The following SOBP variants were observed in gnomAD, a reference collection of about 807,000 sequenced individuals.
SOBP encodes the protein sine oculis-binding protein homolog.
A neutral mutation model predicts 53.6 loss-of-function variants in SOBP; 4 were observed. The ratio of observed to expected loss-of-function variants is 0.07; its 90% CI spans 0.04 to 0.17. The LOEUF (loss-of-function observed/expected upper bound fraction) is 0.17, where lower values mean the gene tolerates loss of function less well. Ranked by LOEUF, SOBP falls within the 10% of genes least tolerant of loss-of-function variation. The pLI is 1.00. For missense variants in SOBP, 1,088 were observed against 1,204.7 expected (o/e 0.90, Z 1.43); for synonymous variants, 584 against 522.6 (o/e 1.12, Z -1.60).
At chr6:107,568,930 G>T (rs1479345573) in intron 4 of SOBP, among the ~76,000 whole-genome samples, 1 of 151,818 alleles carries the variant, frequency 6.6e-6, no homozygotes, top group Non-Finnish European at 1.5e-5. Flanking sequence ...TTTTATTAAC[G>T]TATATAAGGC....
chr6:107,570,045 A>G (rs142925229), intron 4 of SOBP, among the ~76,000 whole-genome samples: 1 of 152,348 alleles, frequency 6.6e-6, no homozygotes, highest in Non-Finnish European at 1.5e-5. Flanking sequence ...AAGTAAGGGT[A>G]GTTAGCACTT....
At chr6:107,533,285 A>G (rs1405031818) in intron 3 of SOBP, among the ~76,000 whole-genome samples, 174 bp from the exon 4 acceptor site, 1 of 150,002 alleles carries the variant, frequency 6.7e-6, no homozygotes, top group African/African-American at 2.4e-5. Context: ...AAAAAAAAAA[A>G]AAAAAAAAAA....
intron 2 of SOBP, 128 bp downstream of exon 2, chr6:107,503,923 C>T: frequency 8.8e-7 from 1 of 1,140,734 alleles, no homozygotes; most frequent in Non-Finnish European, 1.3e-6. Context: ...TTTAAACATA[C>T]ATCCCCAATA....
At chr6:107,577,509 G>A (rs57549852) in intron 4 of SOBP, among the ~76,000 whole-genome samples, 2,492 of 152,286 alleles carry the variant, frequency 0.016, 72 homozygotes, top group African/African-American at 0.057. Flanking sequence ...GACTCATGTT[G>A]ACCAAAGTCA....
At chr6:107,525,883 A>T (rs1783645303) in intron 3 of SOBP, among the ~76,000 whole-genome samples, 1 of 152,018 alleles carries the variant, frequency 6.6e-6, no homozygotes, top group African/African-American at 2.4e-5. Flanking sequence ...GTCTCTCCAA[A>T]TTCTGATCCG....
intron 6 of SOBP, among the ~76,000 whole-genome samples, chr6:107,650,863 A>T (rs1442913845): frequency 6.6e-6 from 1 of 152,186 alleles, no homozygotes; most frequent in East Asian, 1.9e-4. Flanking sequence ...GAAGTGATTA[A>T]ACTTAGTGAG....
intron 3 of SOBP, chr6:107,514,884 A>G (rs1783272667): frequency 6.6e-6 from 1 of 152,230 alleles, no homozygotes; most frequent in South Asian, 2.1e-4. Flanking sequence ...AGCAAACTGC[A>G]TATATGTATA....
chr6:107,558,511 G>A lies in SOBP; in HGVS notation c.573+24901G>A, dbSNP rs538156410. Among the ~76,000 whole-genome samples the A allele has an allele frequency of 7.5e-4, 114 of 151,716 alleles. 1 individual carries two copies. Among genetic ancestry groups the A allele is most frequent in the Non-Finnish European group, 9.6e-4 (65 of 67,832 alleles). ...TCTCGAACTCCTGACCTCGTGATCC[G>A]CCCGCCTCGGCCTCCCAAAGTGCTG... On this transcript the variant is annotated intron_variant, in intron 4 of 6. Transcript: ENST00000317357.
intron 4 of SOBP, among the ~76,000 whole-genome samples, chr6:107,583,740 C>A (rs1352973049): frequency 2.6e-5 from 4 of 151,960 alleles, no homozygotes; most frequent in Non-Finnish European, 5.9e-5. Flanking sequence ...CCTGTGTTGC[C>A]CAGGCTTTTT....
intron 1 of SOBP, 102 bp from the exon 2 acceptor site, chr6:107,503,555 G>T: frequency 7.8e-7 from 1 of 1,285,818 alleles, no homozygotes; most frequent in Non-Finnish European, 1.1e-6. Context: ...GTGAGGCAGG[G>T]CTGCAAATAA....
intron 5 of SOBP, among the ~76,000 whole-genome samples, chr6:107,616,793 C>T (rs916943024): frequency 2.0e-5 from 3 of 152,180 alleles, no homozygotes; most frequent in Non-Finnish European, 4.4e-5. Context: ...ACACTCACAG[C>T]GACGGTTGGC....
chr6:107,619,457 C>G (rs561650958), intron 5 of SOBP, among the ~76,000 whole-genome samples: 8 of 152,278 alleles, frequency 5.3e-5, no homozygotes, highest in African/African-American at 1.7e-4. Context: ...CAAAGAAGAG[C>G]ATAGAATATG....
At position 107,657,426 on chromosome 6, in the gene SOBP, A is replaced by T. The variant is rs1282750010; in HGVS notation, c.*4-781A>T. Reference sequence around the variant, plus strand: ...TTTGTTTTGGATGTGAAGAGATGTGAATGGCTCACCTTTTACAGGCAAGAC... The same window carrying T: ...TTTGTTTTGGATGTGAAGAGATGTGTATGGCTCACCTTTTACAGGCAAGAC... On this transcript the variant is annotated intron_variant, in intron 6 of 6. Coordinates refer to ENST00000317357, the MANE Select transcript of SOBP (RefSeq NM_018013.4). 2.0e-5 allele frequency among the ~76,000 whole-genome samples: 3 copies of T among 152,154 alleles called. No individual in the cohort carries two copies. The East Asian group carries it at 5.8e-4, about 29-fold the overall frequency.
intron 5 of SOBP, among the ~76,000 whole-genome samples, chr6:107,610,427 T>C (rs1786546122): frequency 6.6e-6 from 1 of 152,136 alleles, no homozygotes; most frequent in African/African-American, 2.4e-5. Flanking sequence ...GGCAGTGATC[T>C]GGGAAAGAAG....
At chr6:107,611,279 G>A (rs561004565) in intron 5 of SOBP, among the ~76,000 whole-genome samples, 23 of 152,350 alleles carry the variant, frequency 1.5e-4, no homozygotes, top group Non-Finnish European at 3.2e-4. Context: ...GAGAGGGGAA[G>A]AAAGAGGGGG....
At position 107,490,514 on chromosome 6, in the gene SOBP, C is replaced by G. The variant is rs1368527990; in HGVS notation, c.-103C>G. On this transcript the variant is annotated 5_prime_UTR_variant, in exon 1 of 7. Transcript: ENST00000317357. ...CCGCCAGCACCGCTACCTCCGCCAGCCTCGCCACCATCAGCACCACCTCCA... is the reference window on the plus strand; with the variant it reads ...CCGCCAGCACCGCTACCTCCGCCAGGCTCGCCACCATCAGCACCACCTCCA... 1.4e-5 allele frequency: 11 copies of G among 809,692 alleles called. No individual in the cohort carries two copies. The highest frequency in any genetic ancestry group is 6.2e-6 in the Non-Finnish European group (3 of 483,690). 50.2% of individuals were successfully genotyped at this position (809,692 alleles called of 1,614,324 possible). A position where few individuals can be genotyped will look rare whatever the true frequency, so the allele number is the denominator to read the frequency against.
intron 5 of SOBP, among the ~76,000 whole-genome samples, chr6:107,595,717 C>G (rs1279945789): frequency 1.3e-5 from 2 of 151,946 alleles, no homozygotes; most frequent in Non-Finnish European, 2.9e-5. Context: ...GTTAGAAGAA[C>G]AAGCTAATGA....
chr6:107,531,377 T>A (rs143219155), intron 3 of SOBP, among the ~76,000 whole-genome samples: 52 of 152,330 alleles, frequency 3.4e-4, no homozygotes, highest in African/African-American at 1.2e-3. Context: ...TTTCAGGAAT[T>A]TAAGATTTTA....
intron 3 of SOBP, among the ~76,000 whole-genome samples, chr6:107,526,777 A>G (rs929148908): frequency 1.3e-5 from 2 of 152,238 alleles, no homozygotes; most frequent in African/African-American, 4.8e-5. Context: ...AATTAATTTT[A>G]AAGTCTGTCA....
Sources: allele counts gnomAD v4.1 joint callset (sites outside exome capture counted in the v4.1 genomes callset), GRCh38; gene constraint gnomAD v4.1.1; transcripts MANE v1.5; gene names NCBI Gene and HGNC (gene_info 2026-07-23, HGNC 2026-07-21).